CAPN8: variants seen among roughly 807,000 people sequenced by gnomAD.
CAPN8 encodes calpain-8.
Under a neutral mutation model 80.9 loss-of-function variants are expected in CAPN8, and 87 were observed. The observed-to-expected ratio is 1.07, with a 90% CI of 0.90 to 1.28. The LOEUF is 1.28. Among genes scored for constraint, CAPN8 ranks in the 50% most tolerant of loss-of-function variants. CAPN8 has a pLI of 0.00. For missense variants in CAPN8, 757 were observed against 702.0 expected (o/e 1.08, Z -0.89); for synonymous variants, 299 against 273.8 (o/e 1.09, Z -0.91).
intron 17 of CAPN8, 42 bp downstream of exon 17, chr1:223,545,189 T>C (rs1656587101): frequency 1.4e-5 from 21 of 1,551,376 alleles, no homozygotes; most frequent in Non-Finnish European, 1.8e-5. Flanking sequence ...TAAGGGAGGA[T>C]TAGAACAGAG....
intron 15 of CAPN8, 144 bp from the exon 16 acceptor site, chr1:223,549,526 G>A (rs993194599): frequency 7.7e-7 from 1 of 1,292,976 alleles, no homozygotes; most frequent in South Asian, 1.3e-5. Flanking sequence ...GAGCATCATG[G>A]CAGGCTTGTG....
intron 2 of CAPN8, chr1:223,642,818 C>T (rs778550868): frequency 2.2e-6 from 1 of 456,314 alleles, no homozygotes; most frequent in Non-Finnish European, 4.4e-6. Context: ...CAGGCCAATT[C>T]TCATCCATCT....
rs1408014110 is a variant in CAPN8 at position 223,665,449 on chromosome 1, G to A, written c.198C>T (p.Gly66=). 1.3e-6 allele frequency: 2 copies of A among 1,552,014 alleles called. No individual in the cohort carries two copies. The highest frequency in any genetic ancestry group is 1.7e-6 in the Non-Finnish European group (2 of 1,147,070). Residue 66 remains glycine, a synonymous_variant, in exon 1 of 21, where the codon GGC becomes GGT. Coordinates refer to ENST00000366872, the MANE Select transcript of CAPN8 (RefSeq NM_001143962.2). Reference sequence around the variant, plus strand: ...AGATGATGCCTTGAGTTTGCGGAGAGCCTGGTCCAAGATCCTTGTAGCCCA... The same window carrying A: ...AGATGATGCCTTGAGTTTGCGGAGAACCTGGTCCAAGATCCTTGTAGCCCA... ...SALGYKDLGP[G]SPQTQGIIWK...
intron 11 of CAPN8, among the ~76,000 whole-genome samples, 191 bp downstream of exon 11, chr1:223,612,055 G>A (rs1389615724): frequency 6.6e-6 from 1 of 152,156 alleles, no homozygotes; most frequent in Non-Finnish European, 1.5e-5. Context: ...TGACAGATGG[G>A]ACTTGCAATG....
chr1:223,618,559 G>A (rs1379910720), intron 9 of CAPN8, among the ~76,000 whole-genome samples: 1 of 152,228 alleles, frequency 6.6e-6, no homozygotes, highest in Non-Finnish European at 1.5e-5. Context: ...TTCCCCTAGC[G>A]CACCATCAGC....
intron 19 of CAPN8, among the ~76,000 whole-genome samples, chr1:223,543,782 C>T (rs1656537586): frequency 6.6e-6 from 1 of 152,218 alleles, no homozygotes; most frequent in Non-Finnish European, 1.5e-5. Context: ...TCATCTTGGC[C>T]TAGTGACTGC....
At chr1:223,635,387 A>G (rs34127128) in intron 2 of CAPN8, among the ~76,000 whole-genome samples, 74,096 of 152,038 alleles carry the variant, frequency 0.49, 18,253 homozygotes, top group South Asian at 0.51. Flanking sequence ...CACTCCTTGC[A>G]GAGCAGGGCT....
In CAPN8 at chr1:223,609,199, C is replaced by T. The variant is rs1363524846; in HGVS notation, c.1489G>A (p.Gly497Ser). ...GAGAACACTCTCAAGCAGAACTCGCCGTCTTTGAAGGGTTCAAATGTGGAT... is the reference window on the plus strand; with the variant it reads ...GAGAACACTCTCAAGCAGAACTCGCTGTCTTTGAAGGGTTCAAATGTGGAT... ...VPSTFEPFKD[G>S]EFCLRVFSEK... Residue 497 changes from glycine to serine, a missense_variant, in exon 12 of 21, where the codon GGC (glycine) becomes AGC (serine). Coordinates refer to ENST00000366872, the MANE Select transcript of CAPN8 (RefSeq NM_001143962.2). 8 of 398,270 alleles carry T rather than the reference C, an allele frequency of 2.0e-5. No individual in the cohort carries two copies. The highest frequency in any genetic ancestry group is 8.2e-5 in the African/African-American group (4 of 48,520). 24.7% of individuals were successfully genotyped at this position (398,270 alleles called of 1,614,324 possible). A position where few individuals can be genotyped will look rare whatever the true frequency, so the allele number is the denominator to read the frequency against.
Position 223,541,731 on chromosome 1 carries a change from A to T in CAPN8, c.*105T>A. 1 of 1,517,138 alleles carries T rather than the reference A, an allele frequency of 6.6e-7. No individual in the cohort carries two copies. The highest frequency in any genetic ancestry group is 9.0e-7 in the Non-Finnish European group (1 of 1,116,330). 94.0% of individuals were successfully genotyped at this position (1,517,138 alleles called of 1,614,324 possible). ...ACCCAGGGCAAGAAAGGTATGAACAACCAGTGAATGCCACTGGAGCATAAA... is the reference window on the plus strand; with the variant it reads ...ACCCAGGGCAAGAAAGGTATGAACATCCAGTGAATGCCACTGGAGCATAAA... On this transcript the variant is annotated 3_prime_UTR_variant, in exon 21 of 21. Coordinates refer to ENST00000366872, the MANE Select transcript of CAPN8 (RefSeq NM_001143962.2).
chr1:223,615,091 C>T (rs576352846), intron 10 of CAPN8, among the ~76,000 whole-genome samples: 3 of 152,326 alleles, frequency 2.0e-5, no homozygotes, highest in South Asian at 2.1e-4. Flanking sequence ...GATAGGATCT[C>T]GACCATTGCA....
At chr1:223,548,389 C>T (rs1656687178) in intron 16 of CAPN8, among the ~76,000 whole-genome samples, 1 of 152,192 alleles carries the variant, frequency 6.6e-6, no homozygotes, top group South Asian at 2.1e-4. Flanking sequence ...CTCCATTCCT[C>T]CCAAAAACTA....
chr1:223,612,445 A>G (rs982591625), intron 10 of CAPN8, among the ~76,000 whole-genome samples, 188 bp from the exon 11 acceptor site: 1 of 152,162 alleles, frequency 6.6e-6, no homozygotes, highest in African/African-American at 2.4e-5. Context: ...TTTCAAGGCC[A>G]TCTATAAATA....
rs981397146 is a variant in CAPN8, at chr1:223,616,128, G to T, written c.1153C>A (p.Pro385Thr). 8 of 1,551,492 alleles carry T rather than the reference G, an allele frequency of 5.2e-6. No homozygotes were observed. Among genetic ancestry groups the T allele is most frequent in the Non-Finnish European group, 7.0e-6 (8 of 1,146,736 alleles). Residue 385 changes from proline to threonine, a missense_variant, in exon 10 of 21, where the codon CCC becomes ACC. Coordinates refer to ENST00000366872, the MANE Select transcript of CAPN8 (RefSeq NM_001143962.2). ...TCATCCAAACGGATTTTGAACTGGG[G>T]ATTGGTCCAGTACGTGGCTGGAAGT... Reference protein sequence around the residue: ...QNYPATYWTNPQFKIRLDEVD... With the variant: ...QNYPATYWTNTQFKIRLDEVD...
intron 1 of CAPN8, among the ~76,000 whole-genome samples, chr1:223,657,355 T>A (rs986227628): frequency 3.3e-5 from 5 of 151,982 alleles, no homozygotes; most frequent in Admixed American, 1.3e-4. Flanking sequence ...GAGAAAAAAA[T>A]TTTAATTTAA....
At chr1:223,541,986 A>C in intron 20 of CAPN8, 127 bp from the exon 21 acceptor site, 1 of 1,433,918 alleles carries the variant, frequency 7.0e-7, no homozygotes, top group Non-Finnish European at 9.6e-7. Flanking sequence ...TGCCTTGCTC[A>C]AACATGGGAA....
intron 1 of CAPN8, among the ~76,000 whole-genome samples, chr1:223,661,606 G>A (rs1386239346): frequency 1.3e-5 from 2 of 152,068 alleles, no homozygotes; most frequent in East Asian, 3.8e-4. Flanking sequence ...CTCCGGCCTG[G>A]GTGACAAGAC....
intron 9 of CAPN8, among the ~76,000 whole-genome samples, chr1:223,618,631 G>C (rs1338362997): frequency 6.6e-6 from 1 of 152,236 alleles, no homozygotes; most frequent in Non-Finnish European, 1.5e-5. Context: ...AGGGGAGTGG[G>C]GAGGAAGGGG....
At chr1:223,659,992 C>G (rs963064153) in intron 1 of CAPN8, among the ~76,000 whole-genome samples, 1 of 152,160 alleles carries the variant, frequency 6.6e-6, no homozygotes, top group Non-Finnish European at 1.5e-5. Flanking sequence ...AGCACCTGAA[C>G]ACAACCAGCA....
intron 2 of CAPN8, among the ~76,000 whole-genome samples, chr1:223,629,231 T>TG (rs71166276): frequency 0.48 from 71,852 of 148,808 alleles, 17,608 homozygotes; most frequent in African/African-American, 0.51. Flanking sequence ...TGTGTGTGTG[T>TG]TTATGTTCCT....
Sources: gnomAD v4.1 joint callset for allele counts (sites outside exome capture counted in the v4.1 genomes callset) on GRCh38, gnomAD v4.1.1 for gene constraint, MANE v1.5 for transcripts, NCBI Gene and HGNC (gene_info 2026-07-23, HGNC 2026-07-21) for gene names.